TMEM17: variants seen among roughly 807,000 people sequenced by gnomAD.
TMEM17 encodes the protein transmembrane protein 17.
A neutral mutation model predicts 19.1 loss-of-function variants in TMEM17; 15 were observed. The ratio of observed to expected loss-of-function variants is 0.78; its 90% CI spans 0.52 to 1.21. TMEM17 has a LOEUF of 1.21. Ranked by LOEUF, TMEM17 falls within the 50% of genes most tolerant of loss-of-function variation. TMEM17 has a pLI of 0.00. For synonymous variants in TMEM17, 103 were observed against 86.9 expected, an observed-to-expected ratio of 1.19 and a Z score of -1.03; for missense variants, 245 against 242.3, an observed-to-expected ratio of 1.01 and a Z score of -0.07.
chr2:62,494,962 C>T, the TMEM17 span, among the ~76,000 whole-genome samples: 1 of 152,132 alleles, frequency 6.6e-6, no homozygotes, highest in African/African-American at 2.4e-5. Context: ...TTGCAGTGAG[C>T]CAAGATCGTG....
chr2:62,457,446 A>G, the TMEM17 span, among the ~76,000 whole-genome samples: 2 of 152,206 alleles, frequency 1.3e-5, no homozygotes, highest in Non-Finnish European at 2.9e-5. This position sits in a 1 kb window ranked among gnomAD's most constrained non-coding sequence, Gnocchi z 4.2. Context: ...GGTTGGTAGC[A>G]TGGTGAGGAA....
At chr2:62,454,888 T>C in the TMEM17 span, among the ~76,000 whole-genome samples, 2 of 152,268 alleles carry the variant, frequency 1.3e-5, no homozygotes, top group African/African-American at 4.8e-5. Context: ...GTATTTTTAA[T>C]GGAGACAGGG....
At chr2:62,462,645 C>G in the TMEM17 span, among the ~76,000 whole-genome samples, 3 of 152,164 alleles carry the variant, frequency 2.0e-5, no homozygotes, top group African/African-American at 7.2e-5. Context: ...TGAAAAGGCC[C>G]CTCGAGGCTA....
chr2:62,454,458 A>G, the TMEM17 span, among the ~76,000 whole-genome samples: 1 of 152,142 alleles, frequency 6.6e-6, no homozygotes, highest in South Asian at 2.1e-4. Context: ...AGAATGTAAA[A>G]GGTGGCACAA....
chr2:62,485,486 AGT>A, the TMEM17 span, among the ~76,000 whole-genome samples: 576 of 152,328 alleles, frequency 3.8e-3, 2 homozygotes, highest in African/African-American at 0.013. Context: ...ATGCAATGGA[AGT>A]AGCTCAAAAG....
chr2:62,476,727 T>G, the TMEM17 span, among the ~76,000 whole-genome samples: 1 of 152,212 alleles, frequency 6.6e-6, no homozygotes, highest in Non-Finnish European at 1.5e-5. Flanking sequence ...GTTTGGGGCC[T>G]GGACAAGGGG....
chr2:62,488,792 CTTTTT>C, the TMEM17 span, among the ~76,000 whole-genome samples: 8 of 118,976 alleles, frequency 6.7e-5, no homozygotes, highest in East Asian at 2.3e-4. Flanking sequence ...TTTTATTCTA[CTTTTT>C]TTTTTTTTTT....
chr2:62,470,314 T>C, the TMEM17 span, among the ~76,000 whole-genome samples: 1 of 152,182 alleles, frequency 6.6e-6, no homozygotes, highest in Non-Finnish European at 1.5e-5. Flanking sequence ...GAGAGTTAAA[T>C]GGGACATTGC....
intron 1 of TMEM17, among the ~76,000 whole-genome samples, chr2:62,505,820 G>T (rs1297216783): frequency 6.6e-6 from 1 of 152,152 alleles, no homozygotes; most frequent in Non-Finnish European, 1.5e-5. Context: ...GGAGCACCAC[G>T]CGGAGACCAG....
At chr2:62,490,941 C>T in the TMEM17 span, among the ~76,000 whole-genome samples, 2 of 151,626 alleles carry the variant, frequency 1.3e-5, no homozygotes, top group African/African-American at 4.8e-5. Context: ...TAGCTGGGCG[C>T]AGTGGTGTGT....
the TMEM17 span, among the ~76,000 whole-genome samples, chr2:62,460,817 C>T: frequency 3.3e-5 from 5 of 152,138 alleles, no homozygotes; most frequent in East Asian, 9.6e-4. Context: ...TTGCCTCATT[C>T]AATGCTATTT....
At chr2:62,459,521 C>T in the TMEM17 span, among the ~76,000 whole-genome samples, 3 of 152,246 alleles carry the variant, frequency 2.0e-5, no homozygotes, top group Non-Finnish European at 2.9e-5. Flanking sequence ...AACTCACTTT[C>T]CCGGCTGTCA....
the TMEM17 span, among the ~76,000 whole-genome samples, chr2:62,460,512 A>G: frequency 1.3e-5 from 2 of 152,164 alleles, no homozygotes; most frequent in African/African-American, 4.8e-5. Flanking sequence ...TCAACATTTC[A>G]CCATTATGTT....
intron 1 of TMEM17, among the ~76,000 whole-genome samples, chr2:62,503,469 A>C (rs1337171699): frequency 2.0e-5 from 3 of 152,212 alleles, no homozygotes; most frequent in Non-Finnish European, 2.9e-5. Context: ...TTCAGAGTTC[A>C]AGCAAATCCG....
At chr2:62,454,605 A>G in the TMEM17 span, among the ~76,000 whole-genome samples, 7 of 152,328 alleles carry the variant, frequency 4.6e-5, no homozygotes, top group East Asian at 1.3e-3. Context: ...TCCCGCTCTT[A>G]AAATGCAAAT....
the TMEM17 span, among the ~76,000 whole-genome samples, chr2:62,486,982 C>T: frequency 6.6e-6 from 1 of 152,172 alleles, no homozygotes; most frequent in African/African-American, 2.4e-5. Flanking sequence ...GTGTATTTCA[C>T]TCAGCTCTCA....
At chr2:62,491,435 TC>T in the TMEM17 span, 15 of 151,882 alleles carry the variant, frequency 9.9e-5, no homozygotes, top group African/African-American at 3.6e-4. Context: ...CTGCATGCAC[TC>T]CAGCCCGGGC....
chr2:62,492,757 GAACA>G, the TMEM17 span, among the ~76,000 whole-genome samples: 4 of 152,184 alleles, frequency 2.6e-5, no homozygotes, highest in Non-Finnish European at 5.9e-5. Context: ...ACTGTGGGAG[GAACA>G]AATATTCAGA....
the TMEM17 span, among the ~76,000 whole-genome samples, chr2:62,478,790 AATT>A: frequency 6.6e-6 from 1 of 152,154 alleles, no homozygotes; most frequent in African/African-American, 2.4e-5. Flanking sequence ...AAGTTTTAAA[AATT>A]ATTATTTTGA....
Sources: allele counts gnomAD v4.1 joint callset (sites outside exome capture counted in the v4.1 genomes callset), GRCh38; gene constraint gnomAD v4.1.1; non-coding constraint Gnocchi (gnomAD v3.1); transcripts MANE v1.5; gene names NCBI Gene and HGNC (gene_info 2026-07-23, HGNC 2026-07-21).